The following CELF2 variants were observed in gnomAD, a reference collection of about 807,000 sequenced individuals.
CELF2 encodes the protein CUGBP Elav-like family member 2, also known as CUG triplet repeat RNA-binding protein 2.
A neutral mutation model predicts 62.6 loss-of-function variants in CELF2; 8 were observed. The ratio of observed to expected loss-of-function variants is 0.13; its 90% CI spans 0.07 to 0.23. The LOEUF is 0.23. CELF2 is among the 10% of genes least tolerant of loss of function. CELF2 has a pLI of 1.00. For synonymous variants in CELF2, 258 were observed against 250.0 expected, an observed-to-expected ratio of 1.03 and a Z score of -0.30; for missense variants, 333 against 671.0, an observed-to-expected ratio of 0.50 and a Z score of 5.56.
chr10:10,510,026 G>A, the CELF2 span, among the ~76,000 whole-genome samples: 11 of 152,200 alleles, frequency 7.2e-5, no homozygotes, highest in Non-Finnish European at 1.5e-4. Flanking sequence ...GAGGGATTCT[G>A]GCTTCTGAAC....
chr10:10,559,933 G>C, the CELF2 span, among the ~76,000 whole-genome samples: 3 of 152,180 alleles, frequency 2.0e-5, no homozygotes, highest in Non-Finnish European at 2.9e-5. Context: ...ATTTGATGAA[G>C]CTTTAGAAGT....
the CELF2 span, among the ~76,000 whole-genome samples, chr10:10,668,394 A>T: frequency 1.3e-5 from 2 of 152,196 alleles, no homozygotes; most frequent in African/African-American, 4.8e-5. Context: ...TGTGGATTTG[A>T]CTGGCTGCTG....
chr10:10,500,658 C>T, the CELF2 span, among the ~76,000 whole-genome samples: 1 of 152,244 alleles, frequency 6.6e-6, no homozygotes, highest in South Asian at 2.1e-4. Context: ...ATGTCTTTCT[C>T]AGCAGCATGA....
intron 3 of CELF2, among the ~76,000 whole-genome samples, chr10:11,240,505 G>A (rs1471107693): frequency 1.3e-5 from 2 of 152,218 alleles, no homozygotes; most frequent in Non-Finnish European, 2.9e-5. Context: ...CTAATCCACT[G>A]TGTGAGTTTT....
chr10:10,739,810 T>C, the CELF2 span, among the ~76,000 whole-genome samples: 3 of 152,196 alleles, frequency 2.0e-5, no homozygotes, highest in East Asian at 1.9e-4. Flanking sequence ...TGGTATCTCA[T>C]TGTGGTTTTC....
Position 11,329,329 on chromosome 10 carries a change from C to CT in CELF2, c.*285dup, listed in dbSNP as rs3214728. The CT allele has an allele frequency of 7.6e-3, 1,779 of 234,726 alleles. 9 individuals are homozygous for CT. The highest frequency in any genetic ancestry group is 0.014 in the South Asian group (79 of 5,730). 14.5% of individuals were successfully genotyped at this position (234,726 alleles called of 1,614,324 possible). ...TTTTGCGATTTGAATCTCCTTTTAC[C>CT]TTTTTTTTTAATTTTTTTCATTTTT... On this transcript the variant is annotated 3_prime_UTR_variant, in exon 13 of 13. Transcript: ENST00000633077. The surrounding 1 kb of genome is among the most constrained non-coding windows in gnomAD (Gnocchi z 5.5).
chr10:11,041,324 A>G (rs2061812919), intron 1 of CELF2, among the ~76,000 whole-genome samples: 1 of 152,180 alleles, frequency 6.6e-6, no homozygotes, highest in Non-Finnish European at 1.5e-5. Context: ...TGGTATCAAG[A>G]TGTAGAGTAA....
At chr10:11,123,815 A>G (rs2058201318) in intron 1 of CELF2, among the ~76,000 whole-genome samples, 1 of 152,140 alleles carries the variant, frequency 6.6e-6, no homozygotes, top group South Asian at 2.1e-4. Context: ...ATGTACAGTA[A>G]CATGAAGACC....
chr10:11,058,840 G>A (rs1361101208), intron 1 of CELF2, among the ~76,000 whole-genome samples: 3 of 152,110 alleles, frequency 2.0e-5, no homozygotes, highest in Non-Finnish European at 4.4e-5. Context: ...GAGTGCAGTG[G>A]CACAATCATA....
At chr10:11,320,931 G>A in intron 10 of CELF2, 1 of 1,548,240 alleles carries the variant, frequency 6.5e-7, no homozygotes, top group Non-Finnish European at 8.7e-7. Context: ...ATGGCATTGA[G>A]CTGTCTCGTC....
chr10:11,041,471 G>C (rs1001737531), intron 1 of CELF2, among the ~76,000 whole-genome samples: 1 of 152,178 alleles, frequency 6.6e-6, no homozygotes. Flanking sequence ...TTTAAACTCT[G>C]AGCAGGTTCA....
chr10:10,571,597 A>C, the CELF2 span, among the ~76,000 whole-genome samples: 2 of 152,102 alleles, frequency 1.3e-5, no homozygotes, highest in African/African-American at 4.8e-5. Context: ...GTTATAAAGA[A>C]AGTGAAGGCA....
intron 1 of CELF2, among the ~76,000 whole-genome samples, chr10:11,152,184 T>A (rs1017092149): frequency 6.6e-6 from 1 of 152,110 alleles, no homozygotes; most frequent in African/African-American, 2.4e-5. Context: ...GTGCAGCCAA[T>A]AGAGTTGCCA....
At chr10:10,623,736 G>A in the CELF2 span, among the ~76,000 whole-genome samples, 2 of 152,214 alleles carry the variant, frequency 1.3e-5, no homozygotes, top group Non-Finnish European at 2.9e-5. Context: ...AAGAGCTTAC[G>A]TTCACTGAGC....
At chr10:10,545,127 A>T in the CELF2 span, among the ~76,000 whole-genome samples, 12 of 152,330 alleles carry the variant, frequency 7.9e-5, no homozygotes, top group Non-Finnish European at 1.6e-4. Flanking sequence ...GACGAGGAAG[A>T]CAAGGGACCA....
chr10:10,628,048 GC>G, the CELF2 span, among the ~76,000 whole-genome samples: 19 of 152,078 alleles, frequency 1.2e-4, no homozygotes, highest in Admixed American at 4.6e-4. Flanking sequence ...GATTACAGGT[GC>G]CCGCCACCAC....
At chr10:10,829,957 G>A (rs2057708504) in intron 1 of CELF2, among the ~76,000 whole-genome samples, 1 of 152,126 alleles carries the variant, frequency 6.6e-6, no homozygotes, top group African/African-American at 2.4e-5. Flanking sequence ...CCAGGCAGTA[G>A]CAACCTGTAA....
chr10:11,076,096 A>G (rs571712695), intron 1 of CELF2, among the ~76,000 whole-genome samples: 1 of 152,112 alleles, frequency 6.6e-6, no homozygotes, highest in South Asian at 2.1e-4. Flanking sequence ...TTTGTTTTTT[A>G]GAGTCCAGGT....
chr10:10,589,777 C>T, the CELF2 span, among the ~76,000 whole-genome samples: 484 of 152,296 alleles, frequency 3.2e-3, 2 homozygotes, highest in African/African-American at 0.011. Flanking sequence ...AATTCTCACA[C>T]GTCATTCAGA....
Sources: gnomAD v4.1 joint callset for allele counts (sites outside exome capture counted in the v4.1 genomes callset) on GRCh38, gnomAD v4.1.1 for gene constraint, Gnocchi (gnomAD v3.1) non-coding constraint, MANE v1.5 for transcripts, NCBI Gene and HGNC (gene_info 2026-07-23, HGNC 2026-07-21) for gene names.